The following CAP2 variants were observed in gnomAD, a reference collection of about 807,000 sequenced individuals.
CAP2 encodes the protein adenylyl cyclase-associated protein 2.
Under a neutral mutation model 57.7 loss-of-function variants are expected in CAP2, and 24 were observed. The observed-to-expected ratio is 0.42, with a 90% CI of 0.30 to 0.58. The LOEUF (loss-of-function observed/expected upper bound fraction) is 0.58, where lower values mean the gene tolerates loss of function less well. CAP2 is among the 20% of genes least tolerant of loss of function. CAP2 has a pLI of 0.22. For missense variants in CAP2, 501 were observed against 590.3 expected, an observed-to-expected ratio of 0.85 and a Z score of 1.57; for synonymous variants, 194 against 207.2, an observed-to-expected ratio of 0.94 and a Z score of 0.55.
chr6:17,473,520 A>G (rs895759178), intron 4 of CAP2, among the ~76,000 whole-genome samples: 2 of 152,210 alleles, frequency 1.3e-5, no homozygotes, highest in African/African-American at 4.8e-5. Flanking sequence ...TCATTCAACA[A>G]ATCTTTTTAA....
rs35633911 is a variant in CAP2, at chr6:17,451,231, C to CA, written c.223-11753dup. 1.9e-3 allele frequency among the ~76,000 whole-genome samples: 276 copies of CA among 146,642 alleles called. 7 individuals are homozygous for CA. The South Asian group carries it at 0.034, about 18-fold the overall frequency. On this transcript the variant is annotated intron_variant, in intron 3 of 12. Transcript: ENST00000229922. ...TTTAGAGGAAAGGAAATCTTCTATC[C>CA]AAAAAAAAAAAATAATAATAATAAC...
chr6:17,509,606 C>T (rs982601165), intron 6 of CAP2, among the ~76,000 whole-genome samples: 12 of 151,938 alleles, frequency 7.9e-5, no homozygotes, highest in African/African-American at 2.7e-4. Flanking sequence ...ACCCGGGAGG[C>T]GGAGGTTGCA....
intron 3 of CAP2, among the ~76,000 whole-genome samples, chr6:17,434,636 A>G (rs74952661): frequency 0.09 from 13,715 of 152,166 alleles, 2,036 homozygotes; most frequent in African/African-American, 0.31. Flanking sequence ...TGTTCATCCC[A>G]TTTCCCTCCA....
At chr6:17,427,995 G>C (rs1159329883) in intron 3 of CAP2, among the ~76,000 whole-genome samples, 1 of 152,230 alleles carries the variant, frequency 6.6e-6, no homozygotes, top group Non-Finnish European at 1.5e-5. Context: ...GGAGGGAGGA[G>C]AGAATAGGAA....
intron 7 of CAP2, among the ~76,000 whole-genome samples, chr6:17,516,134 A>G (rs895877817): frequency 1.3e-5 from 2 of 152,118 alleles, no homozygotes; most frequent in African/African-American, 4.8e-5. Flanking sequence ...ATTGATCTCC[A>G]TCAGCTCCCC....
At chr6:17,480,526 G>A (rs939754369) in intron 4 of CAP2, among the ~76,000 whole-genome samples, 6 of 152,108 alleles carry the variant, frequency 3.9e-5, no homozygotes, top group Non-Finnish European at 7.4e-5. Flanking sequence ...TGAGCTGTTG[G>A]GGGGCCCTAG....
chr6:17,478,210 C>T (rs1761200857), intron 4 of CAP2, among the ~76,000 whole-genome samples: 10 of 150,896 alleles, frequency 6.6e-5, no homozygotes, highest in Admixed American at 6.6e-4. Context: ...TCTTAGCTAA[C>T]TGCAACCACC....
rs748611415 is a variant in CAP2 at position 17,507,274 on chromosome 6, G to A, written c.406G>A (p.Val136Ile). 5.0e-5 allele frequency: 80 copies of A among 1,614,134 alleles called. No individual in the cohort carries two copies. Among genetic ancestry groups the A allele is most frequent in the East Asian group, 6.7e-5 (3 of 44,888 alleles). Residue 136 changes from valine (V) to isoleucine (I), a missense_variant, in exon 5 of 13, where the codon GTC (valine) becomes ATC (isoleucine). By Grantham distance (29) the Val-to-Ile change is conservative. Transcript: ENST00000229922. ...GSNMFNHLSA[V>I]SESIPALGWI... is the part of the protein sequence containing the mutation. ...TAACATGTTTAATCATCTTTCGGCC[G>A]TCAGCGAAAGCATCCCTGCCCTTGG...
At chr6:17,420,921 A>G (rs1014998526) in intron 1 of CAP2, among the ~76,000 whole-genome samples, 20 of 152,244 alleles carry the variant, frequency 1.3e-4, no homozygotes, top group Admixed American at 2.0e-4. Flanking sequence ...TAGGTAAATA[A>G]AAGACGCATG....
At chr6:17,531,128 A>T in intron 7 of CAP2, 1 of 762,886 alleles carries the variant, frequency 1.3e-6, no homozygotes, top group Middle Eastern at 3.5e-4. Flanking sequence ...TCAAAGCCTC[A>T]TCTGTCAAAG....
In CAP2 at chr6:17,410,103, A is replaced by G. The variant is rs577138988; in HGVS notation, c.-1-11452A>G. On this transcript the variant is annotated intron_variant, in intron 1 of 12. Transcript: ENST00000229922. ...CCTTTACTTATTTTTCTTCTTCTGA[A>G]TACCATACTCTCATCTTTGAGACTT... 1.1e-4 allele frequency among the ~76,000 whole-genome samples: 17 copies of G among 152,308 alleles called. No individual in the cohort carries two copies. In the South Asian group the frequency reaches 2.7e-3, roughly 24 times the overall value.
intron 7 of CAP2, among the ~76,000 whole-genome samples, chr6:17,518,020 T>C (rs1762309002): frequency 6.6e-6 from 1 of 152,164 alleles, no homozygotes; most frequent in Non-Finnish European, 1.5e-5. Context: ...ATTTATATTA[T>C]ACATATTATG....
At chr6:17,525,043 C>A (rs903032925) in intron 7 of CAP2, among the ~76,000 whole-genome samples, 5 of 151,622 alleles carry the variant, frequency 3.3e-5, no homozygotes, top group African/African-American at 9.7e-5. Context: ...ACTACAGGTG[C>A]GCGCCACCAC....
rs886479236 is a variant in CAP2 at position 17,551,348 on chromosome 6, T to C, written c.1210-116T>C. 1.0e-4 allele frequency: 84 copies of C among 817,068 alleles called. 1 individual carries two copies. The highest frequency in any genetic ancestry group is 1.4e-4 in the Non-Finnish European group (76 of 524,692). The allele number at this position is 817,068 out of a possible 1,614,324, so 50.6% of individuals were successfully genotyped here. A position where few individuals can be genotyped will look rare whatever the true frequency, so the allele number is the denominator to read the frequency against. On this transcript the variant is annotated intron_variant, in intron 11 of 12. Transcript: ENST00000229922. ...ACCTCCCCAGCTTTGACCCAGTGAA[T>C]TCTAATGCTTGGTTAAGCCCAAGCT...
intron 11 of CAP2, among the ~76,000 whole-genome samples, chr6:17,549,153 TAA>T (rs1763116309): frequency 6.6e-6 from 1 of 152,084 alleles, no homozygotes; most frequent in East Asian, 1.9e-4. Flanking sequence ...CTAGAATTTA[TAA>T]AGAACTTAAA....
At chr6:17,466,297 G>A (rs911608870) in intron 4 of CAP2, among the ~76,000 whole-genome samples, 5 of 152,130 alleles carry the variant, frequency 3.3e-5, no homozygotes, top group African/African-American at 9.7e-5. Flanking sequence ...CAACTTTAGC[G>A]TGCATGACAG....
At chr6:17,422,924 G>T (rs998689860) in intron 2 of CAP2, among the ~76,000 whole-genome samples, 4 of 152,148 alleles carry the variant, frequency 2.6e-5, no homozygotes, top group Non-Finnish European at 5.9e-5. Context: ...GGGGGTATAA[G>T]GATGTCCCAA....
intron 4 of CAP2, among the ~76,000 whole-genome samples, chr6:17,496,900 C>T (rs1761684440): frequency 1.3e-5 from 2 of 152,174 alleles, no homozygotes; most frequent in Non-Finnish European, 2.9e-5. Flanking sequence ...ATCCCTCTAC[C>T]ATGGGCCACT....
intron 3 of CAP2, among the ~76,000 whole-genome samples, chr6:17,447,167 C>A (rs575075594): frequency 7.6e-4 from 97 of 127,234 alleles, no homozygotes; most frequent in African/African-American, 2.6e-3. Context: ...CGACCACAGG[C>A]AGCTAATTAA....
Sources: gnomAD v4.1 joint callset for allele counts (sites outside exome capture counted in the v4.1 genomes callset) on GRCh38, gnomAD v4.1.1 for gene constraint, MANE v1.5 for transcripts, NCBI Gene and HGNC (gene_info 2026-07-23, HGNC 2026-07-21) for gene names.